Variants in MGAT5B observed in about 807,000 individuals in gnomAD.
MGAT5B encodes the protein N-acetylglucosaminyl-transferase Vb.
MGAT5B carries 54 observed loss-of-function variants against 95.1 expected under a neutral mutation model. The ratio of observed to expected loss-of-function variants is 0.57; its 90% CI spans 0.46 to 0.71. The LOEUF (loss-of-function observed/expected upper bound fraction) is 0.71, where lower values mean the gene tolerates loss of function less well. MGAT5B is among the 30% of genes least tolerant of loss of function. The pLI is 0.00. For synonymous variants in MGAT5B, 464 were observed against 451.0 expected (o/e 1.03, Z -0.36); for missense variants, 935 against 1,088.6 (o/e 0.86, Z 1.99).
intron 5 of MGAT5B, among the ~76,000 whole-genome samples, chr17:76,903,881 G>A (rs76936): frequency 0.13 from 20,404 of 152,276 alleles, 1,779 homozygotes; most frequent in African/African-American, 0.22. Flanking sequence ...AGCCCTGGCC[G>A]CCTTGGAGGC....
intron 3 of MGAT5B, among the ~76,000 whole-genome samples, chr17:76,885,963 G>A (rs563501198): frequency 2.0e-5 from 3 of 152,076 alleles, no homozygotes; most frequent in Middle Eastern, 3.4e-3. Flanking sequence ...AAAAAAACAC[G>A]TCCCCTGTTC....
At chr17:76,883,248 T>C (rs371289061) in intron 3 of MGAT5B, among the ~76,000 whole-genome samples, 2 of 152,050 alleles carry the variant, frequency 1.3e-5, no homozygotes, top group South Asian at 2.1e-4. Context: ...GATCCAACCG[T>C]CTCAGCCACC....
At position 76,872,203 on chromosome 17, in the gene MGAT5B, G is replaced by A. The variant is rs192053489; in HGVS notation, c.69-648G>A. On this transcript the variant is annotated intron_variant, in intron 1 of 17. Coordinates refer to ENST00000569840, the MANE Select transcript of MGAT5B (RefSeq NM_001199172.2). ...GAGATGTGTGTTGGGGGGAGCCTGG[G>A]CATGGGCCGTGTGGCTCTGCCCTGG... Among the ~76,000 whole-genome samples, 442 of 152,268 alleles carry A rather than the reference G, an allele frequency of 2.9e-3. 3 individuals carry two copies. The highest frequency in any genetic ancestry group is 0.01 in the African/African-American group (430 of 41,560).
chr17:76,882,366 G>A lies in MGAT5B; in HGVS notation c.329+68G>A, dbSNP rs74986280. The A allele has an allele frequency of 3.1e-3, 4,684 of 1,515,666 alleles. 145 individuals carry two copies. The African/African-American group carries it at 0.057, about 18-fold the overall frequency. 93.9% of individuals were successfully genotyped at this position (1,515,666 alleles called of 1,614,324 possible). ...TGGCACCTGCCACTCCATCCGGGGT[G>A]CTGTCCGTCATCTCCTTTTGTGAAT... On this transcript the variant is annotated intron_variant, in intron 3 of 17. Coordinates refer to ENST00000569840, the MANE Select transcript of MGAT5B (RefSeq NM_001199172.2).
chr17:76,915,480 G>A lies in MGAT5B; in HGVS notation c.1025+9293G>A, dbSNP rs182383888. ...TGGACAAGACCGAAAAACAACCCTC[G>A]GGCTCTACCAGGGTTTGTAATATGC... is the stretch of plus-strand genomic sequence containing the variant. On this transcript the variant is annotated intron_variant, in intron 8 of 17. Coordinates refer to ENST00000569840, the MANE Select transcript of MGAT5B (RefSeq NM_001199172.2). This position sits in a 1 kb window ranked among gnomAD's most constrained non-coding sequence, Gnocchi z 8.7. Among the ~76,000 whole-genome samples the A allele has an allele frequency of 6.6e-5, 10 of 152,224 alleles. No homozygotes were observed. In the East Asian group the frequency reaches 1.2e-3, roughly 18 times the overall value.
chr17:76,869,179 G>A lies in MGAT5B; in HGVS notation c.68+82G>A. The A allele has an allele frequency of 7.9e-7, 1 of 1,267,276 alleles. No homozygotes were observed. The highest frequency in any genetic ancestry group is 1.2e-6 in the Non-Finnish European group (1 of 865,714). 78.5% of individuals were successfully genotyped at this position (1,267,276 alleles called of 1,614,324 possible). ...GAGGTCGGTTCCTGCGAACGTTCAAGTCCTGGTGGCAGAGGGGGCGGTTCA... is the reference window on the plus strand; with the variant it reads ...GAGGTCGGTTCCTGCGAACGTTCAAATCCTGGTGGCAGAGGGGGCGGTTCA... On this transcript the variant is annotated intron_variant, in intron 1 of 17. Transcript: ENST00000569840. This position sits in a 1 kb window ranked among gnomAD's most constrained non-coding sequence, Gnocchi z 7.0.
At chr17:76,942,394 G>C (rs1273205800) in intron 15 of MGAT5B, among the ~76,000 whole-genome samples, 1 of 152,182 alleles carries the variant, frequency 6.6e-6, no homozygotes, top group Admixed American at 6.5e-5. Context: ...TTAGACAGGC[G>C]TGGTGGCACA....
In MGAT5B at chr17:76,940,927, C is replaced by T; in HGVS notation, c.1848+79C>T. The stretch of plus-strand genomic sequence containing the variant: ...TCACTCTGATTAGAAAACGGTGCCC[C>T]CCTCTGGGTGAGTTCAGACTTGCAG... On this transcript the variant is annotated intron_variant, in intron 15 of 17. Transcript: ENST00000569840. This position sits in a 1 kb window ranked among gnomAD's most constrained non-coding sequence, Gnocchi z 4.3. The T allele has an allele frequency of 1.6e-6, 2 of 1,267,514 alleles. No individual in the cohort carries two copies. Among genetic ancestry groups the T allele is most frequent in the Non-Finnish European group, 2.3e-6 (2 of 884,068 alleles). The allele number at this position is 1,267,514 out of a possible 1,614,324, so 78.5% of individuals were successfully genotyped here.
chr17:76,899,498 G>A (rs1190747650), intron 3 of MGAT5B, among the ~76,000 whole-genome samples: 2 of 152,130 alleles, frequency 1.3e-5, no homozygotes, highest in South Asian at 2.1e-4. Context: ...TTAGCCGGAC[G>A]TGGTGGCTCA....
chr17:76,893,473 C>G (rs114592301), intron 3 of MGAT5B, among the ~76,000 whole-genome samples: 2 of 152,302 alleles, frequency 1.3e-5, no homozygotes, highest in Non-Finnish European at 2.9e-5. Flanking sequence ...GGGTTCACAG[C>G]CTTCCTCTCT....
rs1259848240 is a variant in MGAT5B, at chr17:76,948,759, C to G, written c.2300C>G (p.Ser767Cys). 1 of 1,611,360 alleles carries G rather than the reference C, an allele frequency of 6.2e-7. No individual in the cohort carries two copies. The highest frequency in any genetic ancestry group is 8.5e-7 in the Non-Finnish European group (1 of 1,179,172). Residue 767 changes from serine to cysteine, a missense_variant, in exon 18 of 18, where the codon TCC (serine) becomes TGC (cysteine). By Grantham distance (112) the Ser-to-Cys change is moderately radical. Coordinates refer to ENST00000569840, the MANE Select transcript of MGAT5B (RefSeq NM_001199172.2). ...CCTCTGCTCTTCAGCTGCGCCGGCT[C>G]CAACACCAAGTACCGCCGGCTCTGC... ...KEPLLFSCAGSNTKYRRLCPC... is the reference protein window; with the variant it reads ...KEPLLFSCAGCNTKYRRLCPC...
chr17:76,906,294 G>T lies in MGAT5B; in HGVS notation c.1025+107G>T. ...GTGGGAGCACCTGCTCTGCCTGCAG[G>T]TCCCACGGCCCTGAGACCCTGGGAG... is the stretch of plus-strand genomic sequence containing the variant. On this transcript the variant is annotated intron_variant, in intron 8 of 17. Transcript: ENST00000569840. This position sits in a 1 kb window ranked among gnomAD's most constrained non-coding sequence, Gnocchi z 4.6. The T allele has an allele frequency of 8.9e-7, 1 of 1,129,002 alleles. No individual in the cohort carries two copies. Among genetic ancestry groups the T allele is most frequent in the Non-Finnish European group, 1.2e-6 (1 of 816,484 alleles). 69.9% of individuals were successfully genotyped at this position (1,129,002 alleles called of 1,614,324 possible). A position where few individuals can be genotyped will look rare whatever the true frequency, so the allele number is the denominator to read the frequency against.
At position 76,938,393 on chromosome 17, in the gene MGAT5B, G is replaced by A. The variant is rs1969743996; in HGVS notation, c.1584+250G>A. Among the ~76,000 whole-genome samples the A allele has an allele frequency of 6.6e-6, 1 of 152,208 alleles. No individual in the cohort carries two copies. Among genetic ancestry groups the A allele is most frequent in the Non-Finnish European group, 1.5e-5 (1 of 68,034 alleles). On this transcript the variant is annotated intron_variant, in intron 13 of 17. Transcript: ENST00000569840. The surrounding 1 kb of genome is among the most constrained non-coding windows in gnomAD (Gnocchi z 4.3). ...AGCAGCAGAGCCGTGGCTCAGTGATGGGGAAGTAGAGTTGGACTGCCCATC... is the reference window on the plus strand; with the variant it reads ...AGCAGCAGAGCCGTGGCTCAGTGATAGGGAAGTAGAGTTGGACTGCCCATC...
chr17:76,903,963 G>A (rs1193433093), intron 5 of MGAT5B, among the ~76,000 whole-genome samples: 2 of 152,234 alleles, frequency 1.3e-5, no homozygotes, highest in African/African-American at 4.8e-5. Flanking sequence ...GGGAGAGGGA[G>A]ACAGCCAGGC....
At position 76,902,633 on chromosome 17, in the gene MGAT5B, C is replaced by A. The variant is rs747716153; in HGVS notation, c.408C>A (p.Asp136Glu). ...TCTCCGACATCGCTGTGAAGGTGGACCAGATCCTGCGCCACAGTCTGCTCC... is the reference window on the plus strand; with the variant it reads ...TCTCCGACATCGCTGTGAAGGTGGAACAGATCCTGCGCCACAGTCTGCTCC... ...QNVSDIAVKV[D>E]QILRHSLLLH... is the part of the protein sequence containing the mutation. The change falls in exon 4 of 18, where the codon GAC becomes GAA. Residue 136 changes from aspartate to glutamate, a missense_variant. Asp to Glu is a conservative substitution (Grantham distance 45). Coordinates refer to ENST00000569840, the MANE Select transcript of MGAT5B (RefSeq NM_001199172.2). 3 of 1,601,012 alleles carry A rather than the reference C, an allele frequency of 1.9e-6. No homozygotes were observed. The Admixed American group carries it at 5.1e-5, about 27-fold the overall frequency.
At chr17:76,904,443 G>T in intron 6 of MGAT5B, 21 bp downstream of exon 6, 2 of 1,547,304 alleles carry the variant, frequency 1.3e-6, no homozygotes, top group South Asian at 2.4e-5. Context: ...GAGGTGGGTG[G>T]GCCGGTGAGG....
intron 10 of MGAT5B, 81 bp from the exon 11 acceptor site, chr17:76,932,564 T>C: frequency 5.9e-6 from 9 of 1,524,042 alleles, no homozygotes; most frequent in Non-Finnish European, 8.0e-6. Context: ...AGAGGACCTC[T>C]TGGGCGGGGC....
intron 3 of MGAT5B, among the ~76,000 whole-genome samples, chr17:76,902,038 A>G (rs1057372708): frequency 4.6e-5 from 7 of 151,972 alleles, no homozygotes; most frequent in African/African-American, 1.5e-4. Context: ...GTGGCCACAC[A>G]TGCAAATATG....
At position 76,932,762 on chromosome 17, in the gene MGAT5B, C is replaced by A; in HGVS notation, c.1409C>A (p.Ala470Glu). 1 of 1,613,576 alleles carries A rather than the reference C, an allele frequency of 6.2e-7. No homozygotes were observed. Among genetic ancestry groups the A allele is most frequent in the Non-Finnish European group, 8.5e-7 (1 of 1,179,804 alleles). The change falls in exon 11 of 18, where the codon GCG becomes GAG. Residue 470 changes from alanine to glutamate, a missense_variant. This residue lies in a region of MGAT5B where 440 missense variants were observed against 523.6 expected (regional missense o/e 0.84). Transcript: ENST00000569840. ...SNMAVVYGKEASIWKLQGKEK... is the reference protein window; with the variant it reads ...SNMAVVYGKEESIWKLQGKEK... ...ATGGCCGTGGTGTACGGCAAGGAGG[C>A]GAGCATCTGGAAGGTGAGCGCGGCC...
Sources: allele counts gnomAD v4.1 joint callset (sites outside exome capture counted in the v4.1 genomes callset), GRCh38; gene constraint gnomAD v4.1.1; regional missense constraint gnomAD v4.1.1; non-coding constraint Gnocchi (gnomAD v3.1); transcripts MANE v1.5; gene names NCBI Gene and HGNC (gene_info 2026-07-23, HGNC 2026-07-21).